PSIP1: variants seen among roughly 807,000 people sequenced by gnomAD.
The protein encoded by PSIP1 is PC4 and SFRS1-interacting protein.
In PSIP1, 19 loss-of-function variants were observed where a neutral mutation model predicts 74.7. The ratio of observed to expected loss-of-function variants is 0.25; its 90% CI spans 0.18 to 0.37. The LOEUF (loss-of-function observed/expected upper bound fraction) is 0.37. Ranked by LOEUF, PSIP1 falls within the 10% of genes least tolerant of loss-of-function variation. PSIP1 has a pLI of 1.00. For missense variants in PSIP1, 601 were observed against 614.3 expected, an observed-to-expected ratio of 0.98 and a Z score of 0.23; for synonymous variants, 222 against 195.3, an observed-to-expected ratio of 1.14 and a Z score of -1.14.
rs1459948267 is a variant in PSIP1 at position 15,482,211 on chromosome 9, C to T, written c.457-2524G>A. 3.9e-5 allele frequency among the ~76,000 whole-genome samples: 6 copies of T among 152,066 alleles called. 1 individual carries two copies. ...ACATCCTTGTTTTGCTGTATCTGTC[C>T]CACAAATCCTCAAGAGAGGTTACTA... On this transcript the variant is annotated intron_variant, in intron 6 of 15. Transcript: ENST00000380733.
intron 15 of PSIP1, among the ~76,000 whole-genome samples, chr9:15,466,231 T>C (rs1014710827): frequency 1.3e-5 from 2 of 152,088 alleles, no homozygotes; most frequent in Admixed American, 1.3e-4. Flanking sequence ...TACAAAAAAT[T>C]AGATGGGCGT....
chr9:15,498,464 T>A, intron 3 of PSIP1, among the ~76,000 whole-genome samples: 1 of 151,100 alleles, frequency 6.6e-6, no homozygotes, highest in East Asian at 1.9e-4. Context: ...TGCTCAAGAC[T>A]GATGAACTCT....
chr9:15,486,028 G>A lies in PSIP1; in HGVS notation c.434C>T (p.Ala145Val). 1 of 1,609,348 alleles carries A rather than the reference G, an allele frequency of 6.2e-7. No homozygotes were observed. ...KAVDITTPKA[A>V]RRGRKRKAEK... ...TACCTTTCTCTTTCTCCCCCTTCTG[G>A]CAGCTTTTGGAGTAGTTATGTCAAC... Residue 145 changes from alanine to valine, a missense_variant, in exon 6 of 16, where the codon GCC becomes GTC. By Grantham distance (64) the Ala-to-Val change is moderately conservative. Around this residue, in one of 2 missense-constraint regions of PSIP1, gnomAD observed 538 missense variants for 507.6 expected, o/e 1.06. Coordinates refer to ENST00000380733, the MANE Select transcript of PSIP1 (RefSeq NM_033222.5).
chr9:15,504,853 T>C (rs1194410193), intron 3 of PSIP1: 1 of 152,186 alleles, frequency 6.6e-6, no homozygotes, highest in African/African-American at 2.4e-5. Flanking sequence ...CTACAGTATT[T>C]CCAAACTTCA....
chr9:15,501,371 T>C (rs1369560819), intron 3 of PSIP1, among the ~76,000 whole-genome samples: 1 of 149,056 alleles, frequency 6.7e-6, no homozygotes, highest in Admixed American at 6.7e-5. Context: ...GCTCTTCGAG[T>C]GTGGGTGAAA....
At chr9:15,488,825 T>C (rs1017585413) in intron 4 of PSIP1, among the ~76,000 whole-genome samples, 3 of 151,924 alleles carry the variant, frequency 2.0e-5, no homozygotes, top group Non-Finnish European at 2.9e-5. Context: ...ATCGAGACCA[T>C]CCTGGCTAAC....
At chr9:15,495,907 T>C (rs1479172201) in intron 3 of PSIP1, among the ~76,000 whole-genome samples, 3 of 152,242 alleles carry the variant, frequency 2.0e-5, no homozygotes, top group African/African-American at 7.2e-5. Flanking sequence ...ATTTATTCTA[T>C]TATTCCATTT....
intron 6 of PSIP1, among the ~76,000 whole-genome samples, chr9:15,485,622 C>T (rs1402348711): frequency 1.3e-5 from 2 of 152,096 alleles, no homozygotes; most frequent in Admixed American, 6.5e-5. Flanking sequence ...ACAACAACAA[C>T]ATAATGGACA....
At chr9:15,478,769 A>G (rs923536488) in intron 7 of PSIP1, among the ~76,000 whole-genome samples, 9 of 152,176 alleles carry the variant, frequency 5.9e-5, no homozygotes, top group Non-Finnish European at 1.3e-4. Flanking sequence ...GTAATCCTCA[A>G]TTTGTCCTTA....
At chr9:15,488,450 C>A (rs1207028960) in intron 4 of PSIP1, among the ~76,000 whole-genome samples, 1 of 152,110 alleles carries the variant, frequency 6.6e-6, no homozygotes, top group South Asian at 2.1e-4. Context: ...AAACAGAGGA[C>A]GTTTATTGAT....
At chr9:15,466,979 C>CT in intron 14 of PSIP1, 120 bp from the exon 15 acceptor site, 4 of 708,402 alleles carry the variant, frequency 5.6e-6, no homozygotes, top group Non-Finnish European at 9.5e-6. Flanking sequence ...TACTTAATGT[C>CT]TTTTATTTGA....
At chr9:15,476,197 G>A (rs2036070103) in intron 8 of PSIP1, among the ~76,000 whole-genome samples, 1 of 152,128 alleles carries the variant, frequency 6.6e-6, no homozygotes, top group Non-Finnish European at 1.5e-5. Context: ...AGAAATAAAC[G>A]TTGTAAAGGC....
In PSIP1 at chr9:15,510,280, A is replaced by G. The variant is rs1181924776; in HGVS notation, c.-92T>C. ...GCGGGCGGCGGACGCGGGCCCAGCTACCGGGCCCGCGGGCGGGGGAGGATG... is the reference window on the plus strand; with the variant it reads ...GCGGGCGGCGGACGCGGGCCCAGCTGCCGGGCCCGCGGGCGGGGGAGGATG... On this transcript the variant is annotated 5_prime_UTR_variant, in exon 2 of 16. Coordinates refer to ENST00000380733, the MANE Select transcript of PSIP1 (RefSeq NM_033222.5). 4 of 1,054,134 alleles carry G rather than the reference A, an allele frequency of 3.8e-6. No homozygotes were observed. Among genetic ancestry groups the G allele is most frequent in the South Asian group, 1.7e-5 (1 of 59,778 alleles). 65.3% of individuals were successfully genotyped at this position (1,054,134 alleles called of 1,614,324 possible). A position where few individuals can be genotyped will look rare whatever the true frequency, so the allele number is the denominator to read the frequency against.
chr9:15,504,549 A>T (rs1276679945), intron 3 of PSIP1, among the ~76,000 whole-genome samples: 1 of 152,146 alleles, frequency 6.6e-6, no homozygotes, highest in African/African-American at 2.4e-5. Context: ...CATCCTGGCT[A>T]ACACGGTGAA....
chr9:15,490,441 G>C (rs115402524), intron 3 of PSIP1, among the ~76,000 whole-genome samples: 1 of 151,988 alleles, frequency 6.6e-6, no homozygotes, highest in Non-Finnish European at 1.5e-5. Flanking sequence ...TCACCACTTT[G>C]GGAAGCTGAG....
chr9:15,508,476 T>C (rs2037702114), intron 2 of PSIP1, among the ~76,000 whole-genome samples: 2 of 152,210 alleles, frequency 1.3e-5, no homozygotes, highest in African/African-American at 2.4e-5. Context: ...AAGGCTACCC[T>C]ATTTTATTTT....
At chr9:15,480,522 A>G (rs1482192911) in intron 6 of PSIP1, among the ~76,000 whole-genome samples, 1 of 152,236 alleles carries the variant, frequency 6.6e-6, no homozygotes, top group Non-Finnish European at 1.5e-5. Flanking sequence ...CATGTGGAGA[A>G]TCATTCATAC....
intron 3 of PSIP1, among the ~76,000 whole-genome samples, chr9:15,500,666 C>T (rs1175722816): frequency 6.6e-6 from 1 of 152,126 alleles, no homozygotes; most frequent in East Asian, 1.9e-4. Flanking sequence ...CTGCACTGAC[C>T]TTCACTCCTA....
intron 6 of PSIP1, among the ~76,000 whole-genome samples, chr9:15,485,220 G>A (rs1400491591): frequency 3.9e-5 from 6 of 152,128 alleles, no homozygotes; most frequent in Admixed American, 6.5e-5. Context: ...ACTTTATGGT[G>A]TGTTAATAAT....
Sources: gnomAD v4.1 joint callset for allele counts (sites outside exome capture counted in the v4.1 genomes callset) on GRCh38, gnomAD v4.1.1 for gene constraint, gnomAD v4.1.1 regional missense constraint, MANE v1.5 for transcripts, NCBI Gene and HGNC (gene_info 2026-07-23, HGNC 2026-07-21) for gene names.